The following NPR3 variants were observed in gnomAD, a reference collection of about 807,000 sequenced individuals.
NPR3 encodes natriuretic peptide receptor 3, also known as atrial natriuretic peptide receptor 3.
A neutral mutation model predicts 54.5 loss-of-function variants in NPR3; 34 were observed. The ratio of observed to expected loss-of-function variants is 0.62; its 90% CI spans 0.47 to 0.83. The LOEUF is 0.83. NPR3 is among the 40% of genes least tolerant of loss of function. The pLI is 0.00. For synonymous variants in NPR3, 289 were observed against 297.1 expected (o/e 0.97, Z 0.28); for missense variants, 674 against 720.8 (o/e 0.94, Z 0.74).
chr5:32,728,939 A>T (rs560355075), intron 2 of NPR3, among the ~76,000 whole-genome samples: 1 of 144,130 alleles, frequency 6.9e-6, no homozygotes, highest in Admixed American at 7.0e-5. Flanking sequence ...TATGTTCCAT[A>T]TACCTTATAA....
At chr5:32,783,249 TTTACATCTC>T in intron 6 of NPR3, 1 of 438,774 alleles carries the variant, frequency 2.3e-6, no homozygotes, top group Non-Finnish European at 4.0e-6. Context: ...TCTTCCTATT[TTTACATCTC>T]TTACTATAAT....
Position 32,786,999 on chromosome 5 carries a change from A to G in NPR3, c.*654A>G, listed in dbSNP as rs1266213578. The G allele has an allele frequency of 6.6e-6, 1 of 152,324 alleles. No individual in the cohort carries two copies. The allele number at this position is 152,324 out of a possible 1,614,324, so 9.4% of individuals were successfully genotyped here. ...ATGGGAGGATTTACAGAAGAAAAGC[A>G]AGTCAAAAATATTTCCTTTTTGATG... On this transcript the variant is annotated 3_prime_UTR_variant, in exon 8 of 8. Transcript: ENST00000265074.
chr5:32,768,740 A>G (rs909662898), intron 3 of NPR3, among the ~76,000 whole-genome samples: 2 of 152,202 alleles, frequency 1.3e-5, no homozygotes, highest in African/African-American at 4.8e-5. Flanking sequence ...GGAAGGTCCA[A>G]GTTAATTTGC....
chr5:32,739,097 T>C (rs1579634369), intron 3 of NPR3, 67 bp downstream of exon 3: 2 of 1,488,552 alleles, frequency 1.3e-6, no homozygotes, highest in Non-Finnish European at 1.8e-6. Flanking sequence ...AAATCAGAGA[T>C]GACAGAGTGT....
intron 1 of NPR3, among the ~76,000 whole-genome samples, chr5:32,717,301 C>T (rs372163177): frequency 5.3e-5 from 8 of 152,028 alleles, no homozygotes; most frequent in South Asian, 2.1e-4. Context: ...TGAATAGTGC[C>T]GCAATAAATA....
At position 32,752,030 on chromosome 5, in the gene NPR3, C is replaced by T. The variant is rs534377347; in HGVS notation, c.1059+13000C>T. Among the ~76,000 whole-genome samples, 516 of 152,016 alleles carry T rather than the reference C, an allele frequency of 3.4e-3. 7 individuals are homozygous for T. The highest frequency in any genetic ancestry group is 0.012 in the African/African-American group (491 of 41,472). Reference sequence around the variant, plus strand: ...CAGCCTGGCCAACATAGTGAAACCCCGTCTCTACTAAAAATACAAAAAAGT... The same window carrying T: ...CAGCCTGGCCAACATAGTGAAACCCTGTCTCTACTAAAAATACAAAAAAGT... On this transcript the variant is annotated intron_variant, in intron 3 of 7. Coordinates refer to ENST00000265074, the MANE Select transcript of NPR3 (RefSeq NM_001204375.2).
chr5:32,713,057 C>G, intron 1 of NPR3: 1 of 561,650 alleles, frequency 1.8e-6, no homozygotes, highest in Non-Finnish European at 2.3e-6. Flanking sequence ...GTTGTTTCCA[C>G]AGACCCCAGG....
upstream of NPR3, chr5:32,709,798 T>C (rs1359089563): frequency 6.6e-6 from 1 of 150,866 alleles, no homozygotes; most frequent in African/African-American, 2.5e-5. Flanking sequence ...CCAGTTTGCC[T>C]TTTCACCGTC....
intron 3 of NPR3, among the ~76,000 whole-genome samples, chr5:32,742,927 A>AT (rs1740109927): frequency 6.6e-6 from 1 of 152,108 alleles, no homozygotes; most frequent in Non-Finnish European, 1.5e-5. Context: ...CACTGACTCT[A>AT]TTTCTTATAT....
chr5:32,775,879 A>G (rs1436162817), intron 4 of NPR3, among the ~76,000 whole-genome samples: 1 of 152,188 alleles, frequency 6.6e-6, no homozygotes, highest in Non-Finnish European at 1.5e-5. Flanking sequence ...ATAACAGGGA[A>G]CTATAGGAAA....
intron 3 of NPR3, among the ~76,000 whole-genome samples, chr5:32,761,128 A>C (rs1741140371): frequency 6.6e-6 from 1 of 152,136 alleles, no homozygotes; most frequent in African/African-American, 2.4e-5. Flanking sequence ...TCTCTTTGAA[A>C]AAATTTTGCC....
intron 3 of NPR3, among the ~76,000 whole-genome samples, chr5:32,752,987 A>G (rs1740651362): frequency 6.6e-6 from 1 of 152,238 alleles, no homozygotes; most frequent in African/African-American, 2.4e-5. Context: ...TCTCCTGATT[A>G]GAGTGTTTTT....
At chr5:32,706,718 G>C (rs1047316056), upstream of NPR3, among the ~76,000 whole-genome samples, 1 of 152,172 alleles carries the variant, frequency 6.6e-6, no homozygotes. Flanking sequence ...TTATAGTCCT[G>C]ATTTGGCTCC....
intron 3 of NPR3, among the ~76,000 whole-genome samples, chr5:32,767,416 T>C (rs1436317538): frequency 6.6e-6 from 1 of 152,252 alleles, no homozygotes; most frequent in Non-Finnish European, 1.5e-5. Flanking sequence ...GAACTCAAGC[T>C]ATGTTTACAT....
Position 32,770,430 on chromosome 5 carries a change from A to C in NPR3, c.1060-4278A>C, listed in dbSNP as rs1431520196. ...AGGTGACAAAGTGAGACTCTGTTTCAAAAAAAAAAAGAAAAAGAAAAAGGA... is the reference window on the plus strand; with the variant it reads ...AGGTGACAAAGTGAGACTCTGTTTCCAAAAAAAAAAGAAAAAGAAAAAGGA... On this transcript the variant is annotated intron_variant, in intron 3 of 7. Coordinates refer to ENST00000265074, the MANE Select transcript of NPR3 (RefSeq NM_001204375.2). Among the ~76,000 whole-genome samples the C allele has an allele frequency of 4.4e-5, 6 of 135,620 alleles. No homozygotes were observed. In the Admixed American group the frequency reaches 4.6e-4, roughly 10 times the overall value. 89.0% of individuals were successfully genotyped at this position (135,620 alleles called of 152,430 possible). A position where few individuals can be genotyped will look rare whatever the true frequency, so the allele number is the denominator to read the frequency against.
At chr5:32,738,434 G>T (rs1286261799) in intron 2 of NPR3, among the ~76,000 whole-genome samples, 1 of 151,984 alleles carries the variant, frequency 6.6e-6, no homozygotes, top group African/African-American at 2.4e-5. Flanking sequence ...GTGACCTGCC[G>T]TCCCACACAC....
chr5:32,772,171 A>G (rs573458933), intron 3 of NPR3, among the ~76,000 whole-genome samples: 9 of 152,230 alleles, frequency 5.9e-5, no homozygotes, highest in Non-Finnish European at 1.3e-4. Flanking sequence ...TGCCTGAGAA[A>G]ATAATCACTC....
At chr5:32,716,554 G>C (rs765420306) in intron 1 of NPR3, 1 of 403,150 alleles carries the variant, frequency 2.5e-6, no homozygotes, top group Non-Finnish European at 4.9e-6. Context: ...CCAAGAGTTT[G>C]AGGCTATGGA....
chr5:32,783,199 C>T, intron 6 of NPR3, 171 bp downstream of exon 6: 1 of 525,392 alleles, frequency 1.9e-6, no homozygotes, highest in Non-Finnish European at 3.3e-6. Context: ...TTCAGGTCTT[C>T]CTTCCCTTCC....
Sources: gnomAD v4.1 joint callset for allele counts (sites outside exome capture counted in the v4.1 genomes callset) on GRCh38, gnomAD v4.1.1 for gene constraint, MANE v1.5 for transcripts, NCBI Gene and HGNC (gene_info 2026-07-23, HGNC 2026-07-21) for gene names.